Variants in CEP126 observed in about 807,000 individuals in gnomAD.
CEP126 encodes the protein centrosomal protein of 126 kDa.
A neutral mutation model predicts 107.8 loss-of-function variants in CEP126; 74 were observed. That is an observed-to-expected ratio of 0.69 (90% CI 0.57 to 0.83). The LOEUF (loss-of-function observed/expected upper bound fraction) is 0.83, where lower values mean the gene tolerates loss of function less well. Ranked by LOEUF, CEP126 falls within the 40% of genes least tolerant of loss-of-function variation. CEP126 has a pLI of 0.00. For synonymous variants in CEP126, 449 were observed against 446.0 expected, an observed-to-expected ratio of 1.01 and a Z score of -0.08; for missense variants, 1,237 against 1,281.9, an observed-to-expected ratio of 0.96 and a Z score of 0.53.
At chr11:101,919,842 A>G (rs2137076574) in intron 1 of CEP126, among the ~76,000 whole-genome samples, 1 of 152,324 alleles carries the variant, frequency 6.6e-6, no homozygotes, top group South Asian at 2.1e-4. Flanking sequence ...AAGCCAAAGC[A>G]TCTTCCTCCC....
chr11:101,920,333 A>G (rs1940303499), intron 1 of CEP126, among the ~76,000 whole-genome samples: 2 of 152,200 alleles, frequency 1.3e-5, no homozygotes, highest in Admixed American at 1.3e-4. Context: ...TGAATTAACA[A>G]ATTATGTACC....
At chr11:101,932,498 C>T (rs1489398912) in intron 2 of CEP126, among the ~76,000 whole-genome samples, 1 of 152,094 alleles carries the variant, frequency 6.6e-6, no homozygotes, top group Non-Finnish European at 1.5e-5. Flanking sequence ...TGGATAATTA[C>T]AAGAAAAATA....
chr11:101,962,660 A>G lies in CEP126; in HGVS notation c.1625A>G (p.Glu542Gly), dbSNP rs1940994544. ...DSKDEKQKLA[E>G]TSSLSNVTSN... is the part of the protein sequence containing the mutation. ...AAAGATGAAAAACAAAAATTAGCTG[A>G]AACATCATCCTTGTCTAATGTAACT... Residue 542 changes from glutamate (E) to glycine (G), a missense_variant, in exon 6 of 11, where the codon GAA (glutamate) becomes GGA (glycine). By Grantham distance (98) the Glu-to-Gly change is moderately conservative (BLOSUM62 -2). Transcript: ENST00000263468. The G allele has an allele frequency of 6.2e-7, 1 of 1,612,818 alleles. No individual in the cohort carries two copies. Among genetic ancestry groups the G allele is most frequent in the Non-Finnish European group, 8.5e-7 (1 of 1,179,654 alleles).
intron 1 of CEP126, among the ~76,000 whole-genome samples, chr11:101,921,503 T>C (rs1940325265): frequency 6.6e-6 from 1 of 151,938 alleles, no homozygotes; most frequent in Non-Finnish European, 1.5e-5. Flanking sequence ...GGTTAGGAGT[T>C]CGAGACCAGG....
At chr11:101,994,049 C>T (rs1178597740) in intron 10 of CEP126, among the ~76,000 whole-genome samples, 2 of 152,242 alleles carry the variant, frequency 1.3e-5, no homozygotes, top group East Asian at 3.9e-4. Flanking sequence ...GCCTGGCCAA[C>T]ATGGTGAAAC....
rs779191649 is a variant in CEP126 at position 101,915,014 on chromosome 11, C to T, written c.-271C>T. ...CAGGTTTCCGTTGTCAAGGACGCGC[C>T]GTCGGTTGTTGTCAAGATGGCGGCT... On this transcript the variant is annotated 5_prime_UTR_variant, in exon 1 of 11. Transcript: ENST00000263468. The T allele has an allele frequency of 3.0e-5, 12 of 400,842 alleles. No individual in the cohort carries two copies. Among genetic ancestry groups the T allele is most frequent in the Non-Finnish European group, 3.6e-5 (8 of 224,124 alleles). 24.8% of individuals were successfully genotyped at this position (400,842 alleles called of 1,614,324 possible).
intron 9 of CEP126, among the ~76,000 whole-genome samples, chr11:101,989,908 C>T (rs960876300): frequency 4.6e-5 from 7 of 151,910 alleles, no homozygotes; most frequent in Non-Finnish European, 7.4e-5. Context: ...TGCAGTGAGC[C>T]GAGATCGCGC....
intron 8 of CEP126, among the ~76,000 whole-genome samples, chr11:101,986,270 A>G (rs1469718424): frequency 6.6e-6 from 1 of 152,172 alleles, no homozygotes; most frequent in Non-Finnish European, 1.5e-5. Flanking sequence ...GGCATGAGCC[A>G]CTGCACCCAG....
rs145166286 is a variant in CEP126, at chr11:101,994,045, C to T, written c.3309+1203C>T. The stretch of plus-strand genomic sequence containing the variant: ...GGTCAGTAGTTCGAGACCAGCCTGG[C>T]CAACATGGTGAAACCCTGTCTCTAC... On this transcript the variant is annotated intron_variant, in intron 10 of 10. Transcript: ENST00000263468. Among the ~76,000 whole-genome samples the T allele has an allele frequency of 5.1e-3, 774 of 152,170 alleles. 3 individuals carry two copies. The highest frequency in any genetic ancestry group is 0.018 in the African/African-American group (728 of 41,500).
chr11:101,953,679 C>G (rs1349381162), intron 4 of CEP126, among the ~76,000 whole-genome samples: 1 of 151,990 alleles, frequency 6.6e-6, no homozygotes. Flanking sequence ...TTTGCAATTA[C>G]TAGGTAATTA....
intron 10 of CEP126, 107 bp from the exon 11 acceptor site, chr11:101,997,492 G>T (rs889040330): frequency 1.3e-6 from 2 of 1,549,296 alleles, no homozygotes; most frequent in Admixed American, 1.9e-5. Flanking sequence ...CTGGGAGAAT[G>T]ATGTCAGGAT....
chr11:101,986,365 A>G (rs1206731355), intron 8 of CEP126, among the ~76,000 whole-genome samples: 1 of 152,128 alleles, frequency 6.6e-6, no homozygotes, highest in Non-Finnish European at 1.5e-5. Context: ...CTTTGATCAC[A>G]TGTTCTTATA....
At chr11:101,935,606 C>A (rs1940565976) in intron 2 of CEP126, among the ~76,000 whole-genome samples, 1 of 152,042 alleles carries the variant, frequency 6.6e-6, no homozygotes, top group Non-Finnish European at 1.5e-5. Context: ...ATTCAGTGGT[C>A]TTGATGCCTT....
intron 10 of CEP126, among the ~76,000 whole-genome samples, chr11:101,997,316 G>A (rs949574076): frequency 2.6e-5 from 4 of 152,206 alleles, no homozygotes; most frequent in Non-Finnish European, 4.4e-5. Flanking sequence ...GATTACAGGC[G>A]TTAGCCACTG....
At position 101,948,598 on chromosome 11, in the gene CEP126, A is replaced by G. The variant is rs1253405852; in HGVS notation, c.506+456A>G. Among the ~76,000 whole-genome samples, 3 of 152,140 alleles carry G rather than the reference A, an allele frequency of 2.0e-5. No individual in the cohort carries two copies. The East Asian group carries it at 5.8e-4, about 29-fold the overall frequency. Reference sequence around the variant, plus strand: ...TCTCCTGGTTCTTCTGCAGGATGGCATAAGTGAATCATCTAGAAGTAATAG... The same window carrying G: ...TCTCCTGGTTCTTCTGCAGGATGGCGTAAGTGAATCATCTAGAAGTAATAG... On this transcript the variant is annotated intron_variant, in intron 4 of 10. Transcript: ENST00000263468.
Position 101,984,523 on chromosome 11 carries a change from G to A in CEP126, c.3035-2309G>A, listed in dbSNP as rs182547801. ...GACCAATGATGAAATAGCCAAAAGA[G>A]CTCTGAATTAAGATGATTGTGATAA... On this transcript the variant is annotated intron_variant, in intron 8 of 10. Transcript: ENST00000263468. 3.9e-5 allele frequency among the ~76,000 whole-genome samples: 6 copies of A among 152,224 alleles called. No homozygotes were observed. In the East Asian group the frequency reaches 1.2e-3, roughly 29 times the overall value.
rs186278140 is a variant in CEP126, at chr11:101,970,610, T to C, written c.2845+6730T>C. 2.3e-3 allele frequency among the ~76,000 whole-genome samples: 357 copies of C among 152,274 alleles called. 2 individuals are homozygous for C. The highest frequency in any genetic ancestry group is 6.8e-3 in the Middle Eastern group (2 of 294). Reference sequence around the variant, plus strand: ...TTTAAATCTGATTTCAAAAAGAATATTTTTTTCTTTTCCAATAATTATTAA... The same window carrying C: ...TTTAAATCTGATTTCAAAAAGAATACTTTTTTCTTTTCCAATAATTATTAA... On this transcript the variant is annotated intron_variant, in intron 6 of 10. Coordinates refer to ENST00000263468, the MANE Select transcript of CEP126 (RefSeq NM_020802.4).
In CEP126 at chr11:101,915,360, G is replaced by GCC; in HGVS notation, c.81_82dup (p.Leu28ProfsTer17). On this transcript the variant is annotated frameshift_variant, in exon 1 of 11. Transcript: ENST00000263468. LOFTEE classifies it high-confidence loss of function. ...TGAATCATCGGACAACCTCGACAGA[G>GCC]CCCCCCTCGGCCCTCGGGAGAGCGG... is the stretch of plus-strand genomic sequence containing the variant. The GCC allele has an allele frequency of 6.2e-7, 1 of 1,613,944 alleles. No individual in the cohort carries two copies. The highest frequency in any genetic ancestry group is 8.5e-7 in the Non-Finnish European group (1 of 1,179,974).
intron 1 of CEP126, among the ~76,000 whole-genome samples, chr11:101,917,501 T>C (rs936217047): frequency 6.6e-6 from 1 of 151,798 alleles, no homozygotes; most frequent in Admixed American, 6.6e-5. Context: ...CTAAAGGTTA[T>C]AAAACAACAA....
Sources: gnomAD v4.1 joint callset for allele counts (sites outside exome capture counted in the v4.1 genomes callset) on GRCh38, gnomAD v4.1.1 for gene constraint, MANE v1.5 for transcripts, NCBI Gene and HGNC (gene_info 2026-07-23, HGNC 2026-07-21) for gene names.